The following GPC5 variants were observed in gnomAD, a reference collection of about 807,000 sequenced individuals.
GPC5 encodes the protein glypican 5.
A neutral mutation model predicts 53.9 loss-of-function variants in GPC5; 47 were observed. The ratio of observed to expected loss-of-function variants is 0.87; its 90% confidence interval spans 0.69 to 1.11. GPC5 has a LOEUF of 1.11. Among genes scored for constraint, GPC5 ranks in the 50% most tolerant of loss-of-function variants. The pLI is 0.00. For missense variants in GPC5, 748 were observed against 713.1 expected (o/e 1.05, Z -0.56); for synonymous variants, 286 against 263.3 (o/e 1.09, Z -0.84).
chr13:92,387,112 G>C (rs1179707569), intron 7 of GPC5, among the ~76,000 whole-genome samples: 2 of 152,038 alleles, frequency 1.3e-5, no homozygotes, highest in African/African-American at 4.8e-5. Flanking sequence ...GAGATGGTTT[G>C]ACTTAGTTTT....
chr13:92,708,355 C>T (rs772081239), intron 7 of GPC5, among the ~76,000 whole-genome samples: 4 of 152,108 alleles, frequency 2.6e-5, no homozygotes, highest in Admixed American at 2.6e-4. Flanking sequence ...GATCAGAATT[C>T]TTCTCCTTTT....
intron 7 of GPC5, among the ~76,000 whole-genome samples, chr13:92,385,413 T>TATATATAC (rs201016219): frequency 0.025 from 1,807 of 71,036 alleles, 110 homozygotes; most frequent in Non-Finnish European, 0.041. Context: ...TATATACACA[T>TATATATAC]ATATATACAT....
chr13:92,487,818 T>C (rs932053778), intron 7 of GPC5, among the ~76,000 whole-genome samples: 7 of 131,822 alleles, frequency 5.3e-5, no homozygotes, highest in African/African-American at 2.1e-4. Flanking sequence ...TGATTATAAA[T>C]ATGGACTATA....
At chr13:92,336,592 C>T (rs2043325007) in intron 7 of GPC5, among the ~76,000 whole-genome samples, 1 of 152,022 alleles carries the variant, frequency 6.6e-6, no homozygotes, top group South Asian at 2.1e-4. Context: ...TAATTAAGGT[C>T]ACAATCAGGA....
At chr13:91,924,946 AG>A (rs961187888) in intron 6 of GPC5, among the ~76,000 whole-genome samples, 10 of 151,148 alleles carry the variant, frequency 6.6e-5, no homozygotes, top group Admixed American at 6.6e-5. Context: ...CAGCCTCCCT[AG>A]TAGCTGGGAG....
At chr13:92,438,272 G>A (rs905723561) in intron 7 of GPC5, among the ~76,000 whole-genome samples, 3 of 151,932 alleles carry the variant, frequency 2.0e-5, no homozygotes, top group South Asian at 2.1e-4. Flanking sequence ...TGTTGGGTAA[G>A]TGTTCCCAAA....
intron 7 of GPC5, among the ~76,000 whole-genome samples, chr13:92,625,204 A>G (rs1264219516): frequency 6.6e-6 from 1 of 152,214 alleles, no homozygotes; most frequent in African/African-American, 2.4e-5. Flanking sequence ...AATACAAGGT[A>G]TTTAAAATGT....
At chr13:92,796,537 C>T (rs1221523612) in intron 7 of GPC5, among the ~76,000 whole-genome samples, 1 of 151,854 alleles carries the variant, frequency 6.6e-6, no homozygotes, top group African/African-American at 2.4e-5. Context: ...AAATCCTTGG[C>T]ATTTCTCAAT....
At position 92,347,902 on chromosome 13, in the gene GPC5, ATAT is replaced by A. The variant is rs2043436025; in HGVS notation, c.1561+202914_1561+202916del. On this transcript the variant is annotated intron_variant, in intron 7 of 7. Transcript: ENST00000377067. The stretch of plus-strand genomic sequence containing the variant: ...ATATATTATATATATTATATATATA[ATAT>A]ATATATAATATATATATATTATATA... Among the ~76,000 whole-genome samples, 4 of 10,926 alleles carry A rather than the reference ATAT, an allele frequency of 3.7e-4. 1 individual carries two copies. The African/African-American group carries it at 5.1e-3, about 14-fold the overall frequency. The allele number at this position is 10,926 out of a possible 152,430, so 7.2% of individuals were successfully genotyped here. A position where few individuals can be genotyped will look rare whatever the true frequency, so the allele number is the denominator to read the frequency against.
chr13:91,727,170 A>G (rs867375139), intron 3 of GPC5, among the ~76,000 whole-genome samples: 1 of 152,216 alleles, frequency 6.6e-6, no homozygotes, highest in Non-Finnish European at 1.5e-5. Context: ...TCAGATTTGT[A>G]TCTCTAGCAA....
chr13:92,590,337 C>T (rs1883673705), intron 7 of GPC5, among the ~76,000 whole-genome samples: 2 of 152,016 alleles, frequency 1.3e-5, no homozygotes, highest in Non-Finnish European at 2.9e-5. Context: ...AAGCCCAGAA[C>T]AGGCTGTGTG....
At chr13:92,389,431 AC>A (rs1874896549) in intron 7 of GPC5, among the ~76,000 whole-genome samples, 2 of 151,716 alleles carry the variant, frequency 1.3e-5, no homozygotes, top group South Asian at 4.2e-4. Context: ...ACACAAAGCA[AC>A]CCGGGCAATT....
chr13:91,632,722 T>C (rs943491014), intron 2 of GPC5, among the ~76,000 whole-genome samples: 1 of 152,068 alleles, frequency 6.6e-6, no homozygotes, highest in African/African-American at 2.4e-5. Flanking sequence ...CAGGAAAACA[T>C]GTAGCAAAAA....
intron 2 of GPC5, among the ~76,000 whole-genome samples, chr13:91,593,432 T>C (rs544614850): frequency 6.6e-6 from 1 of 151,724 alleles, no homozygotes; most frequent in Non-Finnish European, 1.5e-5. Flanking sequence ...TACATTTTAT[T>C]GTGATAAGAT....
intron 2 of GPC5, among the ~76,000 whole-genome samples, chr13:91,578,673 C>CATAT (rs3055891): frequency 2.7e-5 from 4 of 149,602 alleles, no homozygotes; most frequent in African/African-American, 7.3e-5. Flanking sequence ...ATTTTTGATT[C>CATAT]ATATATATAT....
At chr13:92,286,426 A>G (rs1427039605) in intron 7 of GPC5, among the ~76,000 whole-genome samples, 1 of 152,202 alleles carries the variant, frequency 6.6e-6, no homozygotes, top group African/African-American at 2.4e-5. Flanking sequence ...CTATAAAGAC[A>G]CATGCCCATG....
At chr13:92,037,358 A>G (rs2040902114) in intron 6 of GPC5, among the ~76,000 whole-genome samples, 1 of 152,134 alleles carries the variant, frequency 6.6e-6, no homozygotes, top group African/African-American at 2.4e-5. Context: ...TCAGCTATTC[A>G]GGAGACTTGC....
intron 6 of GPC5, among the ~76,000 whole-genome samples, chr13:91,911,174 G>A (rs2039606380): frequency 6.6e-6 from 1 of 152,158 alleles, no homozygotes; most frequent in African/African-American, 2.4e-5. Flanking sequence ...CATACCTCAT[G>A]TTTTGGGGAG....
chr13:91,620,901 AG>A (rs137967753), intron 2 of GPC5, among the ~76,000 whole-genome samples: 5,893 of 152,240 alleles, frequency 0.039, 140 homozygotes, highest in African/African-American at 0.061. Flanking sequence ...GAGTGGCCAG[AG>A]GACAGACAAT....
Sources: allele counts gnomAD v4.1 joint callset (sites outside exome capture counted in the v4.1 genomes callset), GRCh38; gene constraint gnomAD v4.1.1; transcripts MANE v1.5; gene names NCBI Gene and HGNC (gene_info 2026-07-23, HGNC 2026-07-21).